The following CTNNA2 variants were observed in gnomAD, a reference collection of about 807,000 sequenced individuals.
CTNNA2 encodes catenin alpha 2.
In CTNNA2, 42 loss-of-function variants were observed where a neutral mutation model predicts 101.0. The observed-to-expected ratio is 0.42, with a 90% CI of 0.32 to 0.54. The LOEUF (loss-of-function observed/expected upper bound fraction) is 0.54. Among genes scored for constraint, CTNNA2 ranks in the 20% least tolerant of loss-of-function variants. The probability of loss-of-function intolerance (pLI) is 0.14; values close to 1 mark genes in which losing one functional copy is unlikely to be tolerated. For synonymous variants in CTNNA2, 450 were observed against 456.4 expected, an observed-to-expected ratio of 0.99 and a Z score of 0.18; for missense variants, 871 against 1,223.1, an observed-to-expected ratio of 0.71 and a Z score of 4.29.
chr2:79,801,717 C>A (rs1466497011), intron 3 of CTNNA2, among the ~76,000 whole-genome samples: 1 of 152,098 alleles, frequency 6.6e-6, no homozygotes, highest in African/African-American at 2.4e-5. Flanking sequence ...CTGGGCCAGG[C>A]ATGGTGGCTC....
intron 7 of CTNNA2, among the ~76,000 whole-genome samples, chr2:79,956,843 G>GTTTTTTTTTTCTTTTTTTTTTT (rs1302247404): frequency 8.1e-5 from 8 of 98,908 alleles, no homozygotes; most frequent in South Asian, 4.0e-4. Context: ...ATACGTGTGG[G>GTTTTTTTTTTCTTTTTTTTTTT]TTTTTTTTTT....
At chr2:79,811,539 C>G (rs1249021008) in intron 3 of CTNNA2, among the ~76,000 whole-genome samples, 1 of 152,106 alleles carries the variant, frequency 6.6e-6, no homozygotes, top group Non-Finnish European at 1.5e-5. Context: ...ATTGATCATA[C>G]ATGTAAGGAT....
At chr2:79,734,444 C>T (rs1203545879) in intron 2 of CTNNA2, among the ~76,000 whole-genome samples, 2 of 152,038 alleles carry the variant, frequency 1.3e-5, no homozygotes, top group East Asian at 3.9e-4. Context: ...TAAGTTCTAT[C>T]AAATATATCT....
intron 1 of CTNNA2, among the ~76,000 whole-genome samples, chr2:79,557,529 CT>C (rs1674521513): frequency 2.0e-5 from 3 of 151,862 alleles, no homozygotes; most frequent in African/African-American, 7.2e-5. Flanking sequence ...CAATGCTGTT[CT>C]AATGGTTTCA....
chr2:79,998,099 T>C (rs1046854391), intron 7 of CTNNA2, among the ~76,000 whole-genome samples: 6 of 152,298 alleles, frequency 3.9e-5, no homozygotes, highest in African/African-American at 1.4e-4. Flanking sequence ...ACTTGCTACA[T>C]TAAGTTCATT....
chr2:80,536,099 T>C (rs1690989879), intron 9 of CTNNA2, among the ~76,000 whole-genome samples: 1 of 152,166 alleles, frequency 6.6e-6, no homozygotes, highest in Non-Finnish European at 1.5e-5. Context: ...TGAAACTCCA[T>C]CTGTATTATA....
intron 1 of CTNNA2, among the ~76,000 whole-genome samples, chr2:79,642,525 T>A (rs369554803): frequency 2.0e-5 from 3 of 152,256 alleles, no homozygotes; most frequent in East Asian, 3.9e-4. Context: ...CTCGTTATAG[T>A]CAAAGTTAGG....
At chr2:79,273,343 A>G (rs1675132414) in intron 2 of CTNNA2, among the ~76,000 whole-genome samples, 1 of 152,080 alleles carries the variant, frequency 6.6e-6, no homozygotes, top group Non-Finnish European at 1.5e-5. Flanking sequence ...TGCCCTGAGA[A>G]TACTCACTGG....
intron 9 of CTNNA2, among the ~76,000 whole-genome samples, chr2:80,528,250 C>T (rs759312924): frequency 3.9e-5 from 6 of 152,154 alleles, no homozygotes; most frequent in Non-Finnish European, 8.8e-5. Context: ...GGCTGGAGTA[C>T]AGTGGCGTGA....
intron 16 of CTNNA2, among the ~76,000 whole-genome samples, chr2:80,606,197 TTAC>T (rs1442147571): frequency 6.6e-6 from 1 of 151,854 alleles, no homozygotes; most frequent in Non-Finnish European, 1.5e-5. Flanking sequence ...GGCTGTTTCA[TTAC>T]ACTTTAAATC....
intron 2 of CTNNA2, among the ~76,000 whole-genome samples, chr2:79,285,751 C>G (rs1230446765): frequency 7.0e-6 from 1 of 143,374 alleles, no homozygotes; most frequent in Non-Finnish European, 1.5e-5. Context: ...GTGGAGAGTT[C>G]TGTAGATGTC....
intron 7 of CTNNA2, among the ~76,000 whole-genome samples, chr2:79,950,878 C>T (rs544728043): frequency 3.9e-5 from 6 of 152,164 alleles, no homozygotes; most frequent in Non-Finnish European, 4.4e-5. Context: ...GGTTGCACTG[C>T]GCTTCTGACT....
At chr2:79,596,384 A>G (rs1250887664) in intron 1 of CTNNA2, among the ~76,000 whole-genome samples, 2 of 152,194 alleles carry the variant, frequency 1.3e-5, no homozygotes, top group African/African-American at 4.8e-5. Context: ...CCCAAATGTT[A>G]TAATATATAT....
intron 7 of CTNNA2, among the ~76,000 whole-genome samples, chr2:80,392,991 T>C (rs945115452): frequency 6.6e-6 from 1 of 152,216 alleles, no homozygotes; most frequent in African/African-American, 2.4e-5. Context: ...TGGACATATG[T>C]GTAACCATCC....
intron 2 of CTNNA2, among the ~76,000 whole-genome samples, chr2:79,739,235 C>T (rs1041689484): frequency 2.6e-5 from 4 of 152,002 alleles, no homozygotes; most frequent in African/African-American, 9.7e-5. Context: ...AACATTCAAC[C>T]AAGGATTTCC....
At chr2:79,654,799 C>T (rs1201138077) in intron 2 of CTNNA2, among the ~76,000 whole-genome samples, 1 of 152,114 alleles carries the variant, frequency 6.6e-6, no homozygotes, top group Non-Finnish European at 1.5e-5. Flanking sequence ...CTGCAAGAAG[C>T]ACCTAATACT....
chr2:79,945,230 A>G (rs1411105450), intron 7 of CTNNA2, among the ~76,000 whole-genome samples: 2 of 152,062 alleles, frequency 1.3e-5, no homozygotes, highest in African/African-American at 4.8e-5. Context: ...TTGTAGAGAC[A>G]GGGTCTCGCT....
rs184444522 is a variant in CTNNA2 at position 80,492,428 on chromosome 2, A to C, written c.1291-52554A>C. Among the ~76,000 whole-genome samples the C allele has an allele frequency of 1.8e-3, 275 of 152,332 alleles. 1 individual carries two copies. Among genetic ancestry groups the C allele is most frequent in the African/African-American group, 6.4e-3 (268 of 41,574 alleles). On this transcript the variant is annotated intron_variant, in intron 9 of 18. Transcript: ENST00000402739. ...ATGAGAATGGACTCATACAGATGGG[A>C]CAGTCCATAGTATTTTGAAATTTGT...
At chr2:79,873,689 A>G (rs1405908910) in intron 5 of CTNNA2, among the ~76,000 whole-genome samples, 4 of 151,816 alleles carry the variant, frequency 2.6e-5, no homozygotes, top group Non-Finnish European at 5.9e-5. Flanking sequence ...CCTTGAGGCC[A>G]GGAGTTCAAG....
Sources: allele counts gnomAD v4.1 joint callset (sites outside exome capture counted in the v4.1 genomes callset), GRCh38; gene constraint gnomAD v4.1.1; transcripts MANE v1.5; gene names NCBI Gene and HGNC (gene_info 2026-07-23, HGNC 2026-07-21).